GFRAL: variants seen among roughly 807,000 people sequenced by gnomAD.
The protein encoded by GFRAL is GDNF family receptor alpha-like.
GFRAL carries 36 observed loss-of-function variants against 45.4 expected under a neutral mutation model. That is an observed-to-expected ratio of 0.79 (90% confidence interval 0.61 to 1.05). The LOEUF (loss-of-function observed/expected upper bound fraction) is 1.05. Ranked by LOEUF, GFRAL falls within the 50% of genes least tolerant of loss-of-function variation. GFRAL has a pLI of 0.00. For synonymous variants in GFRAL, 166 were observed against 154.1 expected, an observed-to-expected ratio of 1.08 and a Z score of -0.57; for missense variants, 507 against 467.5, an observed-to-expected ratio of 1.08 and a Z score of -0.78.
chr6:55,373,102 AC>A (rs1487753055), intron 6 of GFRAL, among the ~76,000 whole-genome samples: 2 of 151,468 alleles, frequency 1.3e-5, no homozygotes, highest in African/African-American at 2.4e-5. Flanking sequence ...AAAAAAAAAA[AC>A]TTCTATTCAA....
At chr6:55,369,406 C>G (rs539168320) in intron 6 of GFRAL, among the ~76,000 whole-genome samples, 3 of 152,186 alleles carry the variant, frequency 2.0e-5, no homozygotes, top group Non-Finnish European at 2.9e-5. Context: ...CCATCTTCTG[C>G]GTCGCTCAGG....
At chr6:55,334,627 A>G (rs1157152430) in intron 3 of GFRAL, among the ~76,000 whole-genome samples, 1 of 152,136 alleles carries the variant, frequency 6.6e-6, no homozygotes, top group Admixed American at 6.5e-5. Flanking sequence ...TTCTTTCACA[A>G]TCAACCTTCT....
intron 6 of GFRAL, among the ~76,000 whole-genome samples, chr6:55,377,663 G>T (rs1768553319): frequency 6.6e-6 from 1 of 151,960 alleles, no homozygotes; most frequent in Admixed American, 6.6e-5. Flanking sequence ...AAGTGAATTT[G>T]GTGAGTGGCT....
intron 5 of GFRAL, among the ~76,000 whole-genome samples, chr6:55,351,900 T>C (rs568143220): frequency 6.6e-6 from 1 of 150,538 alleles, no homozygotes; most frequent in African/African-American, 2.4e-5. Context: ...TATCAGCTTT[T>C]TAATTTTTTT....
At chr6:55,340,260 T>G (rs1023576923) in intron 3 of GFRAL, among the ~76,000 whole-genome samples, 11 of 152,176 alleles carry the variant, frequency 7.2e-5, no homozygotes, top group African/African-American at 1.4e-4. Flanking sequence ...TGGTTTTCTC[T>G]CCATGCTTTG....
chr6:55,371,974 C>T (rs181820148), intron 6 of GFRAL, among the ~76,000 whole-genome samples: 6 of 152,286 alleles, frequency 3.9e-5, no homozygotes, highest in African/African-American at 1.4e-4. Flanking sequence ...GGTTGATCCA[C>T]CCTTTCCAGT....
chr6:55,340,317 T>C (rs1210051530), intron 3 of GFRAL, among the ~76,000 whole-genome samples: 3 of 152,170 alleles, frequency 2.0e-5, no homozygotes, highest in Non-Finnish European at 4.4e-5. Flanking sequence ...ACTTTTCTAT[T>C]CTCAAGAAAA....
chr6:55,357,096 G>T (rs952754007), intron 5 of GFRAL, among the ~76,000 whole-genome samples: 1 of 151,796 alleles, frequency 6.6e-6, no homozygotes, highest in Non-Finnish European at 1.5e-5. Context: ...TTTAAGACTT[G>T]CTTTTTAGCT....
chr6:55,353,389 A>T (rs930092135), intron 5 of GFRAL, among the ~76,000 whole-genome samples: 1 of 152,098 alleles, frequency 6.6e-6, no homozygotes, highest in Non-Finnish European at 1.5e-5. Context: ...AACATTTGTT[A>T]AAAAGAACTG....
chr6:55,370,603 C>A (rs575960760), intron 6 of GFRAL, among the ~76,000 whole-genome samples: 7 of 152,250 alleles, frequency 4.6e-5, no homozygotes, highest in Admixed American at 2.0e-4. Flanking sequence ...CAAGATAATT[C>A]TCTAGGGAGC....
intron 3 of GFRAL, among the ~76,000 whole-genome samples, chr6:55,340,790 C>T (rs116176302): frequency 0.013 from 2,047 of 152,258 alleles, 24 homozygotes; most frequent in Non-Finnish European, 0.022. Flanking sequence ...GAAGTGGTGA[C>T]GGATGGCACC....
chr6:55,336,600 C>G (rs901667969), intron 3 of GFRAL, among the ~76,000 whole-genome samples: 16 of 152,138 alleles, frequency 1.1e-4, no homozygotes, highest in African/African-American at 3.9e-4. Context: ...TAGCCTATGA[C>G]TTGCTAAATG....
intron 3 of GFRAL, among the ~76,000 whole-genome samples, chr6:55,334,745 C>T (rs77934232): frequency 0.024 from 3,670 of 152,244 alleles, 114 homozygotes; most frequent in South Asian, 0.073. Context: ...AATTTCTGTT[C>T]CATAATTTTG....
intron 3 of GFRAL, among the ~76,000 whole-genome samples, chr6:55,339,844 T>C (rs1253913276): frequency 4.6e-5 from 7 of 152,210 alleles, no homozygotes; most frequent in Admixed American, 6.5e-5. Flanking sequence ...ATATCAAATT[T>C]TGACAAAATA....
intron 3 of GFRAL, among the ~76,000 whole-genome samples, chr6:55,345,619 A>G (rs1768030377): frequency 6.6e-6 from 1 of 152,216 alleles, no homozygotes; most frequent in African/African-American, 2.4e-5. Flanking sequence ...AATACCATTC[A>G]GGAGATAGGC....
intron 3 of GFRAL, among the ~76,000 whole-genome samples, chr6:55,339,331 A>T (rs1020626810): frequency 1.3e-5 from 2 of 151,898 alleles, no homozygotes; most frequent in African/African-American, 2.4e-5. Context: ...GAATGTTGGT[A>T]TTTTTTTTCT....
chr6:55,368,856 A>G (rs1288457902), intron 6 of GFRAL, among the ~76,000 whole-genome samples: 1 of 152,156 alleles, frequency 6.6e-6, no homozygotes, highest in East Asian at 1.9e-4. Context: ...GCTGTCAGAC[A>G]GGGACATTTA....
chr6:55,394,157 A>G (rs1017767470), intron 6 of GFRAL, among the ~76,000 whole-genome samples: 1 of 152,190 alleles, frequency 6.6e-6, no homozygotes, highest in Non-Finnish European at 1.5e-5. Context: ...TGAGAAACAC[A>G]GTGAGAGAAG....
intron 6 of GFRAL, among the ~76,000 whole-genome samples, chr6:55,372,481 A>C (rs1382159810): frequency 6.6e-6 from 1 of 152,196 alleles, no homozygotes; most frequent in Non-Finnish European, 1.5e-5. Flanking sequence ...TCTTGGGAGC[A>C]TTAAGTCCAA....
Sources: allele counts gnomAD v4.1 joint callset (sites outside exome capture counted in the v4.1 genomes callset), GRCh38; gene constraint gnomAD v4.1.1; transcripts MANE v1.5; gene names NCBI Gene and HGNC (gene_info 2026-07-23, HGNC 2026-07-21).